Variants in OSBPL6 observed in about 807,000 individuals in gnomAD.
OSBPL6 encodes oxysterol-binding protein-related protein 6.
OSBPL6 carries 49 observed loss-of-function variants against 125.8 expected under a neutral mutation model. The observed-to-expected ratio is 0.39, with a 90% CI of 0.31 to 0.49. OSBPL6 has a LOEUF of 0.49. OSBPL6 is among the 20% of genes least tolerant of loss of function. The probability of loss-of-function intolerance (pLI) is 0.88; values close to 1 mark genes in which losing one functional copy is unlikely to be tolerated. For missense variants in OSBPL6, 986 were observed against 1,135.4 expected, an observed-to-expected ratio of 0.87 and a Z score of 1.89; for synonymous variants, 394 against 391.8, an observed-to-expected ratio of 1.01 and a Z score of -0.07.
At chr2:178,312,063 C>A (rs28676734) in intron 3 of OSBPL6, among the ~76,000 whole-genome samples, 4,312 of 150,064 alleles carry the variant, frequency 0.029, 197 homozygotes, top group African/African-American at 0.1. Flanking sequence ...CTCACTGGAG[C>A]CTTTGCCACC....
chr2:178,294,523 A>G (rs1685557314), intron 2 of OSBPL6, among the ~76,000 whole-genome samples: 1 of 152,158 alleles, frequency 6.6e-6, no homozygotes, highest in Admixed American at 6.5e-5. Context: ...TTTTAGTGCT[A>G]AGAGCAGGTT....
chr2:178,234,349 G>A (rs577402557), intron 1 of OSBPL6, among the ~76,000 whole-genome samples: 1 of 152,232 alleles, frequency 6.6e-6, no homozygotes, highest in South Asian at 2.1e-4. Flanking sequence ...AAGCCCTTTA[G>A]AATAAAATGT....
intron 13 of OSBPL6, among the ~76,000 whole-genome samples, chr2:178,363,197 T>G (rs1692510928): frequency 6.6e-6 from 1 of 152,204 alleles, no homozygotes; most frequent in Non-Finnish European, 1.5e-5. Context: ...TGCATTTGTT[T>G]CTTGCTTGCC....
chr2:178,367,064 T>G (rs1228239052), intron 13 of OSBPL6, among the ~76,000 whole-genome samples: 1 of 152,186 alleles, frequency 6.6e-6, no homozygotes, highest in African/African-American at 2.4e-5. Flanking sequence ...TACTTGCTAA[T>G]GCAACTATTA....
chr2:178,306,000 T>G (rs907631020), intron 2 of OSBPL6, 30 bp from the exon 3 acceptor site: 7 of 481,238 alleles, frequency 1.5e-5, no homozygotes, highest in African/African-American at 1.4e-4. Context: ...TTTTAATTAC[T>G]TATATGAGGC....
chr2:178,306,433 T>C (rs774488831), intron 3 of OSBPL6, 147 bp downstream of exon 3: 24 of 604,586 alleles, frequency 4.0e-5, no homozygotes, highest in Non-Finnish European at 7.1e-5. Context: ...GGTACGTTCA[T>C]TGATGTCATG....
intron 1 of OSBPL6, among the ~76,000 whole-genome samples, chr2:178,282,156 T>C (rs12471986): frequency 0.19 from 29,482 of 152,142 alleles, 3,113 homozygotes; most frequent in Admixed American, 0.25. Flanking sequence ...TGCAGTTTTG[T>C]GCTGGATTTT....
chr2:178,267,990 G>C (rs1420024328), intron 1 of OSBPL6, among the ~76,000 whole-genome samples: 2 of 152,100 alleles, frequency 1.3e-5, no homozygotes, highest in Non-Finnish European at 2.9e-5. Context: ...AGTAAATATT[G>C]GCATGAATGA....
intron 3 of OSBPL6, among the ~76,000 whole-genome samples, chr2:178,314,608 A>C (rs758966676): frequency 6.6e-6 from 1 of 152,368 alleles, no homozygotes; most frequent in South Asian, 2.1e-4. Flanking sequence ...AATTTTTGTT[A>C]CTTGGATGCA....
intron 13 of OSBPL6, among the ~76,000 whole-genome samples, chr2:178,370,381 C>T (rs552068099): frequency 6.6e-6 from 1 of 152,282 alleles, no homozygotes; most frequent in South Asian, 2.1e-4. Flanking sequence ...GTTTCAGTAA[C>T]TAAGGCAACT....
Position 178,379,321 on chromosome 2 carries a change from G to A in OSBPL6, c.1534-3099G>A, listed in dbSNP as rs1258285734. 7.8e-5 allele frequency among the ~76,000 whole-genome samples: 7 copies of A among 89,958 alleles called. No individual in the cohort carries two copies. The East Asian group carries it at 4.5e-3, about 58-fold the overall frequency. 59.0% of individuals were successfully genotyped at this position (89,958 alleles called of 152,430 possible). ...GAAGAAAGAAAGAAACAGGAAGGAA[G>A]GAAGGAAAGGAAGGGAGGGAGGGAG... is the stretch of plus-strand genomic sequence containing the variant. On this transcript the variant is annotated intron_variant, in intron 15 of 24. Coordinates refer to ENST00000190611, the MANE Select transcript of OSBPL6 (RefSeq NM_032523.4).
chr2:178,375,301 C>A (rs1693758227), intron 15 of OSBPL6, among the ~76,000 whole-genome samples: 1 of 152,204 alleles, frequency 6.6e-6, no homozygotes. Context: ...CTGCCTGCAC[C>A]CCCAGGGACC....
At position 178,324,180 on chromosome 2, in the gene OSBPL6, A is replaced by G. The variant is rs966471307; in HGVS notation, c.106A>G (p.Ile36Val). 1 of 1,533,570 alleles carries G rather than the reference A, an allele frequency of 6.5e-7. No individual in the cohort carries two copies. The allele number at this position is 1,533,570 out of a possible 1,614,324, so 95.0% of individuals were successfully genotyped here. A position where few individuals can be genotyped will look rare whatever the true frequency, so the allele number is the denominator to read the frequency against. Reference sequence around the variant, plus strand: ...CTATGTTTTCATTTATTTTCAGAGTATTCACATACTGGAGAGGACTGCTTC... The same window carrying G: ...CTATGTTTTCATTTATTTTCAGAGTGTTCACATACTGGAGAGGACTGCTTC... ...TSSQRDSRQS[I>V]HILERTASSS... The change falls in exon 4 of 25, where the codon ATT (isoleucine) becomes GTT (valine). Residue 36 changes from isoleucine (I) to valine (V), a missense_variant. Physicochemically the swap from Ile to Val is conservative, Grantham distance 29 (BLOSUM62 3). Coordinates refer to ENST00000190611, the MANE Select transcript of OSBPL6 (RefSeq NM_032523.4).
At chr2:178,349,611 T>C (rs1691051156) in intron 12 of OSBPL6, among the ~76,000 whole-genome samples, 1 of 152,126 alleles carries the variant, frequency 6.6e-6, no homozygotes, top group Non-Finnish European at 1.5e-5. Context: ...GAAAGTGCCA[T>C]GGGGTTGGGG....
chr2:178,261,398 A>G (rs1442577091), intron 1 of OSBPL6, among the ~76,000 whole-genome samples: 1 of 152,032 alleles, frequency 6.6e-6, no homozygotes, highest in African/African-American at 2.4e-5. Flanking sequence ...TAATTGAAAA[A>G]AAAAAAAAAA....
At chr2:178,290,210 A>G (rs1685113946) in intron 2 of OSBPL6, among the ~76,000 whole-genome samples, 2 of 152,140 alleles carry the variant, frequency 1.3e-5, no homozygotes, top group African/African-American at 4.8e-5. Flanking sequence ...ATCAACTAGT[A>G]TTTGGTGGCC....
At chr2:178,338,668 G>A (rs1004013528) in intron 9 of OSBPL6, among the ~76,000 whole-genome samples, 11 of 152,156 alleles carry the variant, frequency 7.2e-5, no homozygotes, top group African/African-American at 2.7e-4. Context: ...TGAAACCACA[G>A]GACTGCTGAA....
In OSBPL6 at chr2:178,341,201, G is replaced by C. The variant is rs376400000; in HGVS notation, c.987+1437G>C. On this transcript the variant is annotated intron_variant, in intron 11 of 24. Transcript: ENST00000190611. ...TAGATATTGTTTTAATCTTGTGTCT[G>C]TAGTGTATGCTATTGACCACATTCT... Among the ~76,000 whole-genome samples the C allele has an allele frequency of 3.3e-5, 5 of 152,084 alleles. 1 individual carries two copies. The highest frequency in any genetic ancestry group is 1.2e-4 in the African/African-American group (5 of 41,370).
intron 14 of OSBPL6, among the ~76,000 whole-genome samples, chr2:178,372,812 A>G (rs1693515931): frequency 6.6e-6 from 1 of 152,218 alleles, no homozygotes. Flanking sequence ...CACTCTCAAC[A>G]ACGCTCTGTT....
Sources: gnomAD v4.1 joint callset for allele counts (sites outside exome capture counted in the v4.1 genomes callset) on GRCh38, gnomAD v4.1.1 for gene constraint, MANE v1.5 for transcripts, NCBI Gene and HGNC (gene_info 2026-07-23, HGNC 2026-07-21) for gene names.